Variants in PARD6G observed in about 807,000 individuals in gnomAD.
PARD6G encodes the protein partitioning defective 6 homolog gamma.
A neutral mutation model predicts 10.7 loss-of-function variants in PARD6G; 7 were observed. The ratio of observed to expected loss-of-function variants is 0.66; its 90% CI spans 0.37 to 1.23. PARD6G has a LOEUF of 1.23. Ranked by LOEUF, PARD6G falls within the 50% of genes most tolerant of loss-of-function variation. The pLI is 0.02. For synonymous variants in PARD6G, 287 were observed against 269.4 expected (o/e 1.07, Z -0.64); for missense variants, 548 against 571.8 (o/e 0.96, Z 0.42).
chr18:80,227,424 T>C (rs1481279678), intron 1 of PARD6G, among the ~76,000 whole-genome samples: 1 of 152,192 alleles, frequency 6.6e-6, no homozygotes, highest in East Asian at 1.9e-4. Context: ...GCATTTGCCA[T>C]AATCTTCCCC....
chr18:80,186,538 G>A (rs776513055), intron 2 of PARD6G, among the ~76,000 whole-genome samples: 9 of 146,002 alleles, frequency 6.2e-5, no homozygotes, highest in Non-Finnish European at 9.1e-5. Flanking sequence ...CCTCACACAC[G>A]CGCACACCCT....
chr18:80,180,318 G>A lies in PARD6G; in HGVS notation c.296-19712C>T, dbSNP rs2052841661. 6.6e-6 allele frequency among the ~76,000 whole-genome samples: 1 copy of A among 152,228 alleles called. No individual in the cohort carries two copies. Among genetic ancestry groups the A allele is most frequent in the African/African-American group, 2.4e-5 (1 of 41,464 alleles). Reference sequence around the variant, plus strand: ...GTCAGGAGAGGCAGGCAGGGCGTGGGCAGCGACAGCTGGGGCCGGCAGGTG... The same window carrying A: ...GTCAGGAGAGGCAGGCAGGGCGTGGACAGCGACAGCTGGGGCCGGCAGGTG... On this transcript the variant is annotated intron_variant, in intron 2 of 2. Transcript: ENST00000353265. This position sits in a 1 kb window ranked among gnomAD's most constrained non-coding sequence, Gnocchi z 5.6.
chr18:80,195,501 C>A (rs1449093942), intron 2 of PARD6G, among the ~76,000 whole-genome samples: 1 of 142,770 alleles, frequency 7.0e-6, no homozygotes, highest in Non-Finnish European at 1.5e-5. Context: ...AGGGAAAATT[C>A]AAAGATCAGG....
intron 1 of PARD6G, among the ~76,000 whole-genome samples, chr18:80,238,110 A>G (rs1372517016): frequency 6.6e-6 from 1 of 152,224 alleles, no homozygotes; most frequent in African/African-American, 2.4e-5. Flanking sequence ...ATGTCCAACA[A>G]TGATAGACTG....
At chr18:80,242,928 C>G (rs1967505823) in intron 1 of PARD6G, among the ~76,000 whole-genome samples, 1 of 152,046 alleles carries the variant, frequency 6.6e-6, no homozygotes, top group African/African-American at 2.4e-5. Context: ...GAGAAAGAAA[C>G]AGATGAATGA....
intron 1 of PARD6G, among the ~76,000 whole-genome samples, chr18:80,218,174 T>G (rs1321081553): frequency 6.6e-6 from 1 of 152,062 alleles, no homozygotes; most frequent in African/African-American, 2.4e-5. Flanking sequence ...AATCATACCC[T>G]TCCAACAGTC....
At position 80,219,294 on chromosome 18, in the gene PARD6G, TG is replaced by T. The variant is rs531614907; in HGVS notation, c.73-16363del. Among the ~76,000 whole-genome samples, 6 of 152,298 alleles carry T rather than the reference TG, an allele frequency of 3.9e-5. 1 individual carries two copies. The South Asian group carries it at 1.2e-3, about 32-fold the overall frequency. ...CGTGATCTCAGCTCACTGCAACCTC[TG>T]CCTCCCGGGTTCAAGGGATTCTCCT... On this transcript the variant is annotated intron_variant, in intron 1 of 2. Transcript: ENST00000353265.
chr18:80,214,223 C>T (rs1967138067), intron 1 of PARD6G, among the ~76,000 whole-genome samples: 1 of 151,984 alleles, frequency 6.6e-6, no homozygotes, highest in Non-Finnish European at 1.5e-5. Flanking sequence ...TTTGGGAGGC[C>T]GAGGCGAGTG....
In PARD6G at chr18:80,190,967, G is replaced by A. The variant is rs181939513; in HGVS notation, c.295+11743C>T. ...TCCCTCCACCTATAGCCCTGGGAAC[G>A]ACCCACCAGGGGCCAGACATTCTGG... On this transcript the variant is annotated intron_variant, in intron 2 of 2. Transcript: ENST00000353265. Among the ~76,000 whole-genome samples, 372 of 152,238 alleles carry A rather than the reference G, an allele frequency of 2.4e-3. 3 individuals are homozygous for A. Among genetic ancestry groups the A allele is most frequent in the Non-Finnish European group, 4.0e-3 (271 of 68,004 alleles).
intron 2 of PARD6G, among the ~76,000 whole-genome samples, chr18:80,194,121 T>C (rs981566810): frequency 6.6e-6 from 1 of 152,188 alleles, no homozygotes; most frequent in African/African-American, 2.4e-5. Context: ...CAAACTAATA[T>C]AGGTATACAA....
chr18:80,207,433 T>C (rs1183460530), intron 1 of PARD6G, among the ~76,000 whole-genome samples: 1 of 152,090 alleles, frequency 6.6e-6, no homozygotes, highest in Admixed American at 6.6e-5. Flanking sequence ...TTTATTTGGA[T>C]GGCTAGTGAT....
chr18:80,215,113 G>A (rs187067621), intron 1 of PARD6G, among the ~76,000 whole-genome samples: 156 of 152,124 alleles, frequency 1.0e-3, no homozygotes, highest in African/African-American at 2.8e-3. Flanking sequence ...TTCTATATCC[G>A]GCTAAGCTAT....
Position 80,202,852 on chromosome 18 carries a change from G to A in PARD6G, c.153C>T (p.His51=), listed in dbSNP as rs1967021615. 2.5e-6 allele frequency: 4 copies of A among 1,610,086 alleles called. No homozygotes were observed. Among genetic ancestry groups the A allele is most frequent in the Non-Finnish European group, 3.4e-6 (4 of 1,178,402 alleles). ...KFEDFYKLVV[H]THHISNSDVT... Reference sequence around the variant, plus strand: ...CATCACTGTTGGAGATATGGTGGGTGTGCACAACCAGCTTGTAGAAATCTT... The same window carrying A: ...CATCACTGTTGGAGATATGGTGGGTATGCACAACCAGCTTGTAGAAATCTT... The change falls in exon 2 of 3, where the codon CAC becomes CAT. Residue 51 remains histidine, a synonymous_variant. Transcript: ENST00000353265.
chr18:80,186,378 TGCTC>T (rs1160846923), intron 2 of PARD6G, among the ~76,000 whole-genome samples: 8 of 81,858 alleles, frequency 9.8e-5, no homozygotes, highest in African/African-American at 3.9e-4. Flanking sequence ...CACCCACACA[TGCTC>T]GCACACCCTC....
At position 80,231,357 on chromosome 18, in the gene PARD6G, G is replaced by C. The variant is rs760560513; in HGVS notation, c.72+15920C>G. Among the ~76,000 whole-genome samples, 54 of 152,326 alleles carry C rather than the reference G, an allele frequency of 3.5e-4. No homozygotes were observed. Among genetic ancestry groups the C allele is most frequent in the Middle Eastern group, 3.4e-3 (1 of 294 alleles). On this transcript the variant is annotated intron_variant, in intron 1 of 2. Coordinates refer to ENST00000353265, the MANE Select transcript of PARD6G (RefSeq NM_032510.4). The surrounding 1 kb of genome is among the most constrained non-coding windows in gnomAD (Gnocchi z 4.2). The stretch of plus-strand genomic sequence containing the variant: ...AGGCAGAAGCCTCGAACTCCAGCCC[G>C]TGGAAGAAAGTGGGGTCCCATTCCG...
chr18:80,214,195 C>T (rs1295351467), intron 1 of PARD6G, among the ~76,000 whole-genome samples: 4 of 152,114 alleles, frequency 2.6e-5, no homozygotes, highest in African/African-American at 9.7e-5. Context: ...CGGTGGCTCA[C>T]GCCTGTAATC....
intron 2 of PARD6G, among the ~76,000 whole-genome samples, chr18:80,165,657 C>A (rs2052730908): frequency 1.3e-5 from 2 of 152,220 alleles, no homozygotes; most frequent in Admixed American, 1.3e-4. Flanking sequence ...GTGGCTCCAG[C>A]CAGTCCCTCC....
rs1478474039 is a variant in PARD6G, at chr18:80,247,162, A to G, written c.72+115T>C. 4.0e-6 allele frequency: 3 copies of G among 748,870 alleles called. No individual in the cohort carries two copies. The highest frequency in any genetic ancestry group is 8.0e-5 in the Admixed American group (2 of 25,056). The allele number at this position is 748,870 out of a possible 1,614,324, so 46.4% of individuals were successfully genotyped here. A position where few individuals can be genotyped will look rare whatever the true frequency, so the allele number is the denominator to read the frequency against. ...GAGCGGCGCGCGGCGCCCGAACTGG[A>G]AAGTTGTCGCCGGCGCCTGTCGCCT... On this transcript the variant is annotated intron_variant, in intron 1 of 2. Transcript: ENST00000353265. This position sits in a 1 kb window ranked among gnomAD's most constrained non-coding sequence, Gnocchi z 4.2.
chr18:80,166,748 G>C (rs2052738737), intron 2 of PARD6G, among the ~76,000 whole-genome samples: 1 of 151,536 alleles, frequency 6.6e-6, no homozygotes, highest in African/African-American at 2.4e-5. Flanking sequence ...GGGAACTTCA[G>C]GGGAGTGCAT....
Sources: gnomAD v4.1 joint callset for allele counts (sites outside exome capture counted in the v4.1 genomes callset) on GRCh38, gnomAD v4.1.1 for gene constraint, Gnocchi (gnomAD v3.1) non-coding constraint, MANE v1.5 for transcripts, NCBI Gene and HGNC (gene_info 2026-07-23, HGNC 2026-07-21) for gene names.